CAPRIN1: variants seen among roughly 807,000 people sequenced by gnomAD.
CAPRIN1 encodes caprin-1.
CAPRIN1 carries 29 observed loss-of-function variants against 100.9 expected under a neutral mutation model. The observed-to-expected ratio is 0.29, with a 90% CI of 0.21 to 0.39. The LOEUF is 0.39. Ranked by LOEUF, CAPRIN1 falls within the 10% of genes least tolerant of loss-of-function variation. The pLI, the probability that CAPRIN1 is intolerant of heterozygous loss-of-function variation, is 1.00. For synonymous variants in CAPRIN1, 338 were observed against 307.5 expected (o/e 1.10, Z -1.04); for missense variants, 795 against 876.7 (o/e 0.91, Z 1.18).
chr11:34,088,207 G>A (rs1013013592), intron 11 of CAPRIN1, among the ~76,000 whole-genome samples: 6 of 151,946 alleles, frequency 3.9e-5, no homozygotes, highest in African/African-American at 1.5e-4. Context: ...GTTTCACCAT[G>A]TTGGCCAGGA....
chr11:34,097,835 C>T lies in CAPRIN1; in HGVS notation c.2065+74C>T. ...TGGCCTTGGAAGAGCTGTTAATAGTCTGCATGTTAGGAATACATTTATCCT... is the reference window on the plus strand; with the variant it reads ...TGGCCTTGGAAGAGCTGTTAATAGTTTGCATGTTAGGAATACATTTATCCT... On this transcript the variant is annotated intron_variant, in intron 18 of 18. Coordinates refer to ENST00000341394, the MANE Select transcript of CAPRIN1 (RefSeq NM_005898.5). 4 of 1,611,214 alleles carry T rather than the reference C, an allele frequency of 2.5e-6. No individual in the cohort carries two copies. In the African/African-American group the frequency reaches 4.0e-5, roughly 16 times the overall value.
intron 16 of CAPRIN1, 122 bp downstream of exon 16, chr11:34,096,795 T>G: frequency 4.6e-6 from 3 of 646,026 alleles, no homozygotes; most frequent in Non-Finnish European, 7.8e-6. Context: ...TATGTGCAAT[T>G]TAAACAATGT....
chr11:34,085,070 T>A (rs965616099), intron 9 of CAPRIN1, among the ~76,000 whole-genome samples: 8 of 152,134 alleles, frequency 5.3e-5, no homozygotes, highest in Non-Finnish European at 1.5e-5. Flanking sequence ...TCTGTGTTGT[T>A]TATAAAGGGA....
chr11:34,078,367 T>A (rs2134113161), intron 6 of CAPRIN1, among the ~76,000 whole-genome samples: 1 of 152,276 alleles, frequency 6.6e-6, no homozygotes, highest in Non-Finnish European at 1.5e-5. Context: ...CTATTAATAA[T>A]ACACAAGCTA....
At chr11:34,056,403 T>G (rs1484366300) in intron 2 of CAPRIN1, 3 of 152,254 alleles carry the variant, frequency 2.0e-5, no homozygotes, top group African/African-American at 7.2e-5. Flanking sequence ...ATCTGCTCAT[T>G]GAGAATGCAT....
At chr11:34,085,145 A>G (rs113733827) in intron 9 of CAPRIN1, among the ~76,000 whole-genome samples, 1 of 152,208 alleles carries the variant, frequency 6.6e-6, no homozygotes, top group Middle Eastern at 3.2e-3. Context: ...ACAGAATAAT[A>G]TAAATTTGAT....
rs531530422 is a variant in CAPRIN1, at chr11:34,078,877, C to T, written c.689-751C>T. Among the ~76,000 whole-genome samples the T allele has an allele frequency of 5.3e-5, 8 of 152,284 alleles. No homozygotes were observed. In the South Asian group the frequency reaches 1.7e-3, roughly 32 times the overall value. Reference sequence around the variant, plus strand: ...TTTGTGGCCTCACTCTGATTGGGTCCAGTCCATTGTAGTTCTGTGTAGTAC... The same window carrying T: ...TTTGTGGCCTCACTCTGATTGGGTCTAGTCCATTGTAGTTCTGTGTAGTAC... On this transcript the variant is annotated intron_variant, in intron 6 of 18. Transcript: ENST00000341394.
chr11:34,063,159 G>A (rs1429275257), intron 2 of CAPRIN1: 1 of 152,170 alleles, frequency 6.6e-6, no homozygotes, highest in Non-Finnish European at 1.5e-5. Context: ...AACTTTGGTG[G>A]TGATGAAAAA....
At chr11:34,058,521 C>G (rs1014027297) in intron 2 of CAPRIN1, among the ~76,000 whole-genome samples, 1 of 152,194 alleles carries the variant, frequency 6.6e-6, no homozygotes, top group African/African-American at 2.4e-5. Context: ...TATGTAGAAT[C>G]AAGTAAAGCC....
At chr11:34,068,034 A>C (rs772338542) in intron 2 of CAPRIN1, among the ~76,000 whole-genome samples, 1 of 152,160 alleles carries the variant, frequency 6.6e-6, no homozygotes, top group African/African-American at 2.4e-5. Context: ...AGGGATTCAG[A>C]CAGGGCACAC....
At chr11:34,095,533 T>TA (rs1355422720) in intron 15 of CAPRIN1, among the ~76,000 whole-genome samples, 1 of 152,206 alleles carries the variant, frequency 6.6e-6, no homozygotes, top group Non-Finnish European at 1.5e-5. Flanking sequence ...CTTAAGGGTG[T>TA]AAAATAGGTC....
chr11:34,093,154 C>G (rs981567642), intron 15 of CAPRIN1, among the ~76,000 whole-genome samples: 13 of 151,360 alleles, frequency 8.6e-5, no homozygotes, highest in Non-Finnish European at 1.9e-4. Context: ...TGGGCATGAA[C>G]TACCTTGTCT....
chr11:34,080,313 T>C (rs922491511), intron 7 of CAPRIN1, among the ~76,000 whole-genome samples: 2 of 152,202 alleles, frequency 1.3e-5, no homozygotes, highest in African/African-American at 4.8e-5. Flanking sequence ...CTAGTCTTGA[T>C]CACTATTATA....
Position 34,071,793 on chromosome 11 carries a change from A to T in CAPRIN1, c.279+5A>T, listed in dbSNP as rs1285040726. On this transcript the variant is annotated splice_donor_5th_base_variant and intron_variant, in intron 3 of 18. Coordinates refer to ENST00000341394, the MANE Select transcript of CAPRIN1 (RefSeq NM_005898.5). ...AGGCTTAATCAAGATCAGCTGGTAA[A>T]GATGTTATATTTTTTATTTTAGACC... 6.8e-7 allele frequency: 1 copy of T among 1,479,266 alleles called. No homozygotes were observed. 91.6% of individuals were successfully genotyped at this position (1,479,266 alleles called of 1,614,324 possible).
chr11:34,098,734 AAGTTG>A (rs1174681973), intron 18 of CAPRIN1: 2 of 985,298 alleles, frequency 2.0e-6, no homozygotes, highest in Non-Finnish European at 2.4e-6. Context: ...TATTCGATGA[AAGTTG>A]AGTTAACTGA....
intron 2 of CAPRIN1, among the ~76,000 whole-genome samples, chr11:34,065,777 A>G (rs746706207): frequency 1.3e-5 from 2 of 152,160 alleles, no homozygotes; most frequent in African/African-American, 4.8e-5. Context: ...AGTTTTCTTA[A>G]TAAGTTTTGG....
At chr11:34,054,427 T>A (rs1195330640) in intron 2 of CAPRIN1, among the ~76,000 whole-genome samples, 2 of 152,056 alleles carry the variant, frequency 1.3e-5, no homozygotes, top group African/African-American at 2.4e-5. Flanking sequence ...GGGTATCTTC[T>A]TAAATTTTTT....
intron 2 of CAPRIN1, among the ~76,000 whole-genome samples, chr11:34,065,002 C>T (rs1308171334): frequency 7.3e-6 from 1 of 136,392 alleles, no homozygotes; most frequent in Non-Finnish European, 1.5e-5. Context: ...CTCTGTTGCC[C>T]AGGCTGGAGT....
At chr11:34,054,335 G>C (rs1018387015) in intron 2 of CAPRIN1, among the ~76,000 whole-genome samples, 1 of 152,104 alleles carries the variant, frequency 6.6e-6, no homozygotes, top group Admixed American at 6.6e-5. Flanking sequence ...GTGTAAGGTA[G>C]CTACATTCAA....
Sources: allele counts gnomAD v4.1 joint callset (sites outside exome capture counted in the v4.1 genomes callset), GRCh38; gene constraint gnomAD v4.1.1; transcripts MANE v1.5; gene names NCBI Gene and HGNC (gene_info 2026-07-23, HGNC 2026-07-21).